Variants in NTRK2 observed in about 807,000 individuals in gnomAD.
NTRK2 encodes neurotrophic receptor tyrosine kinase 2, also known as BDNF/NT-3 growth factors receptor.
A neutral mutation model predicts 94.5 loss-of-function variants in NTRK2; 13 were observed. The observed-to-expected ratio is 0.14, with a 90% confidence interval of 0.09 to 0.22. The LOEUF (loss-of-function observed/expected upper bound fraction) is 0.22, where lower values mean the gene tolerates loss of function less well. Among genes scored for constraint, NTRK2 ranks in the 10% least tolerant of loss-of-function variants. NTRK2 has a pLI of 1.00. For synonymous variants in NTRK2, 372 were observed against 407.4 expected (o/e 0.91, Z 1.05); for missense variants, 639 against 1,071.2 (o/e 0.60, Z 5.63).
chr9:84,882,700 G>A (rs1462932896), intron 14 of NTRK2, among the ~76,000 whole-genome samples: 2 of 130,328 alleles, frequency 1.5e-5, no homozygotes, highest in African/African-American at 6.9e-5. Context: ...TTGTTCTAGT[G>A]TGTGTGTGTG....
At position 84,939,837 on chromosome 9, in the gene NTRK2, G is replaced by A. The variant is rs535696878; in HGVS notation, c.1764+5545G>A. ...CAGGGAATGAACGATTCTCTTTCTC[G>A]TCTTCTCCATCCCTTGGCTCTGCTT... On this transcript the variant is annotated intron_variant, in intron 15 of 18. Transcript: ENST00000277120. Among the ~76,000 whole-genome samples the A allele has an allele frequency of 3.2e-3, 484 of 151,754 alleles. 2 individuals carry two copies. Among genetic ancestry groups the A allele is most frequent in the Non-Finnish European group, 5.2e-3 (353 of 67,968 alleles).
At chr9:84,938,391 G>A (rs1426080348) in intron 15 of NTRK2, among the ~76,000 whole-genome samples, 2 of 152,140 alleles carry the variant, frequency 1.3e-5, no homozygotes, top group Non-Finnish European at 2.9e-5. Context: ...CTTGGCCCAG[G>A]TAACTCCCAT....
At chr9:84,881,000 G>C (rs1280535330) in intron 14 of NTRK2, among the ~76,000 whole-genome samples, 1 of 152,212 alleles carries the variant, frequency 6.6e-6, no homozygotes, top group Non-Finnish European at 1.5e-5. Flanking sequence ...TGCATTATCA[G>C]CTACAAAGCT....
intron 12 of NTRK2, chr9:84,813,563 G>A: frequency 1.9e-6 from 2 of 1,065,412 alleles, no homozygotes; most frequent in Non-Finnish European, 2.3e-6. Context: ...GAGTTTAACA[G>A]CCCAGTTATC....
At chr9:84,937,978 C>T (rs546546737) in intron 15 of NTRK2, among the ~76,000 whole-genome samples, 6 of 152,090 alleles carry the variant, frequency 3.9e-5, no homozygotes, top group Non-Finnish European at 8.8e-5. Context: ...AGGTGTATTT[C>T]TAGAAACATA....
chr9:84,867,157 T>G, intron 13 of NTRK2, 86 bp from the exon 14 acceptor site: 1 of 1,330,512 alleles, frequency 7.5e-7, no homozygotes, highest in Non-Finnish European at 1.1e-6. Flanking sequence ...AATTGTATAC[T>G]TTAAATGGGT....
At chr9:84,964,094 A>G (rs1433404960) in intron 17 of NTRK2, among the ~76,000 whole-genome samples, 1 of 152,314 alleles carries the variant, frequency 6.6e-6, no homozygotes, top group South Asian at 2.1e-4. Flanking sequence ...ATTGTGGGTC[A>G]TATTTTCTGC....
At chr9:84,890,895 A>G (rs895433366) in intron 14 of NTRK2, among the ~76,000 whole-genome samples, 3 of 152,248 alleles carry the variant, frequency 2.0e-5, no homozygotes, top group Non-Finnish European at 4.4e-5. Flanking sequence ...GTCTGAGACT[A>G]TAACTCTAAG....
intron 9 of NTRK2, among the ~76,000 whole-genome samples, chr9:84,734,116 A>C (rs1343960775): frequency 6.6e-6 from 1 of 152,072 alleles, no homozygotes; most frequent in Admixed American, 6.5e-5. Context: ...GTGAAGCGTG[A>C]CTTTCCTTCT....
intron 17 of NTRK2, among the ~76,000 whole-genome samples, chr9:84,983,398 G>A (rs1183613736): frequency 1.3e-5 from 2 of 152,094 alleles, no homozygotes; most frequent in African/African-American, 2.4e-5. Flanking sequence ...CTTCCACTGG[G>A]GCCTTCCTCT....
chr9:84,904,216 A>G (rs1348808166), intron 14 of NTRK2, among the ~76,000 whole-genome samples: 1 of 152,230 alleles, frequency 6.6e-6, no homozygotes, highest in Non-Finnish European at 1.5e-5. Flanking sequence ...ATCACATACA[A>G]TGCTGTAAAA....
intron 15 of NTRK2, among the ~76,000 whole-genome samples, chr9:84,937,364 TCTCTAGAA>T (rs1416543139): frequency 6.6e-6 from 1 of 152,272 alleles, no homozygotes; most frequent in East Asian, 1.9e-4. Flanking sequence ...CCTTTTTCCT[TCTCTAGAA>T]GGAGCTGACT....
Position 84,685,994 on chromosome 9 carries a change from C to T in NTRK2, c.212+15034C>T, listed in dbSNP as rs529744996. On this transcript the variant is annotated intron_variant, in intron 2 of 18. Coordinates refer to ENST00000277120, the MANE Select transcript of NTRK2 (RefSeq NM_006180.6). ...CCTAGTTCTCTGTGTTACACAAATA[C>T]ACACGGATATGCACTCATGAGCACC... Among the ~76,000 whole-genome samples the T allele has an allele frequency of 5.3e-5, 8 of 152,338 alleles. No homozygotes were observed. The South Asian group carries it at 1.7e-3, about 32-fold the overall frequency.
At chr9:84,736,519 C>T (rs7040077) in intron 9 of NTRK2, among the ~76,000 whole-genome samples, 6,087 of 152,228 alleles carry the variant, frequency 0.04, 143 homozygotes, top group African/African-American at 0.057. Flanking sequence ...AAATAAAGCT[C>T]TCCTGGCTTT....
chr9:84,831,990 A>AAAAAGTATT (rs2073576066), intron 12 of NTRK2, among the ~76,000 whole-genome samples: 3 of 152,236 alleles, frequency 2.0e-5, no homozygotes, highest in African/African-American at 7.2e-5. Context: ...TACCCAGTTA[A>AAAAAGTATT]CTCCAAAATA....
At chr9:84,921,723 C>T (rs1325049724) in intron 14 of NTRK2, among the ~76,000 whole-genome samples, 1 of 152,172 alleles carries the variant, frequency 6.6e-6, no homozygotes, top group Non-Finnish European at 1.5e-5. Context: ...ATGCAACTCC[C>T]AATTCTTGGG....
At chr9:84,954,250 A>G (rs1175848036) in intron 16 of NTRK2, among the ~76,000 whole-genome samples, 1 of 152,152 alleles carries the variant, frequency 6.6e-6, no homozygotes, top group Non-Finnish European at 1.5e-5. Flanking sequence ...TATTCCTTGC[A>G]CTGCAGCGCC....
At chr9:84,885,459 G>A (rs765525408) in intron 14 of NTRK2, among the ~76,000 whole-genome samples, 3 of 152,122 alleles carry the variant, frequency 2.0e-5, no homozygotes, top group South Asian at 4.1e-4. Flanking sequence ...GGTGTTCTTT[G>A]TATGGTAATA....
At chr9:84,776,885 T>C (rs899710254) in intron 12 of NTRK2, among the ~76,000 whole-genome samples, 1 of 152,184 alleles carries the variant, frequency 6.6e-6, no homozygotes, top group African/African-American at 2.4e-5. Flanking sequence ...CTGTTCACTA[T>C]ACAAACATCT....
Sources: gnomAD v4.1 joint callset for allele counts (sites outside exome capture counted in the v4.1 genomes callset) on GRCh38, gnomAD v4.1.1 for gene constraint, MANE v1.5 for transcripts, NCBI Gene and HGNC (gene_info 2026-07-23, HGNC 2026-07-21) for gene names.